Variants in CREB5 observed in about 807,000 individuals in gnomAD.
CREB5 encodes cAMP responsive element binding protein 5.
Under a neutral mutation model 57.1 loss-of-function variants are expected in CREB5, and 19 were observed. The ratio of observed to expected loss-of-function variants is 0.33; its 90% CI spans 0.23 to 0.49. The LOEUF is 0.49. Among genes scored for constraint, CREB5 ranks in the 20% least tolerant of loss-of-function variants. The pLI, the probability that CREB5 is intolerant of heterozygous loss-of-function variation, is 0.99. For missense variants in CREB5, 579 were observed against 671.6 expected, an observed-to-expected ratio of 0.86 and a Z score of 1.52; for synonymous variants, 238 against 238.3, an observed-to-expected ratio of 1.00 and a Z score of 0.01.
At chr7:28,540,905 T>C (rs1185279161) in intron 4 of CREB5, among the ~76,000 whole-genome samples, 1 of 152,184 alleles carries the variant, frequency 6.6e-6, no homozygotes, top group Non-Finnish European at 1.5e-5. Context: ...GGAGTCCACC[T>C]GCTGAATTAA....
intron 1 of CREB5, among the ~76,000 whole-genome samples, chr7:28,347,864 C>T (rs1181881707): frequency 2.0e-5 from 3 of 152,176 alleles, no homozygotes; most frequent in African/African-American, 7.2e-5. Flanking sequence ...AAAGGGAGCA[C>T]ATTCGAATTC....
intron 4 of CREB5, among the ~76,000 whole-genome samples, chr7:28,529,949 T>C (rs1793650938): frequency 6.6e-6 from 1 of 152,224 alleles, no homozygotes; most frequent in Non-Finnish European, 1.5e-5. Flanking sequence ...TTGCCAGATA[T>C]CTTGCAAAAT....
At position 28,326,818 on chromosome 7, in the gene CREB5, C is replaced by T. The variant is rs184832720; in HGVS notation, c.-25+27377C>T. On this transcript the variant is annotated intron_variant, in intron 1 of 9. Coordinates refer to the CREB5 transcript ENST00000396299. ...CATACAGTTCTAAGTTAAAGAATATCCTAGGTAGACGTAGGTGGATAAACA... is the reference window on the plus strand; with the variant it reads ...CATACAGTTCTAAGTTAAAGAATATTCTAGGTAGACGTAGGTGGATAAACA... Among the ~76,000 whole-genome samples the T allele has an allele frequency of 3.7e-4, 57 of 152,102 alleles. 1 individual carries two copies. Among genetic ancestry groups the T allele is most frequent in the South Asian group, 8.3e-4 (4 of 4,814 alleles).
intron 5 of CREB5, among the ~76,000 whole-genome samples, chr7:28,628,376 T>C (rs906812614): frequency 6.6e-6 from 1 of 152,136 alleles, no homozygotes; most frequent in African/African-American, 2.4e-5. Context: ...GTCTCCTGTC[T>C]GGTCACCTCT....
At chr7:28,552,882 A>G (rs1243481047) in intron 4 of CREB5, among the ~76,000 whole-genome samples, 1 of 152,170 alleles carries the variant, frequency 6.6e-6, no homozygotes, top group African/African-American at 2.4e-5. Context: ...AGATTACTAA[A>G]ACTGCTTCCA....
intron 4 of CREB5, among the ~76,000 whole-genome samples, chr7:28,557,023 A>G (rs939755056): frequency 4.7e-5 from 7 of 149,368 alleles, no homozygotes; most frequent in Admixed American, 4.6e-4. Flanking sequence ...TTGTAGGCCT[A>G]GGGATACTAA....
At chr7:28,355,010 A>C (rs576599793) in intron 1 of CREB5, among the ~76,000 whole-genome samples, 38 of 152,360 alleles carry the variant, frequency 2.5e-4, no homozygotes, top group African/African-American at 8.9e-4. Flanking sequence ...TTAAGCAAGC[A>C]GTAAATGTGC....
At chr7:28,731,286 A>T (rs750830194) in intron 7 of CREB5, among the ~76,000 whole-genome samples, 13 of 152,362 alleles carry the variant, frequency 8.5e-5, no homozygotes, top group South Asian at 6.2e-4. Context: ...GTAAATGATT[A>T]GATTATGAGG....
At chr7:28,805,122 A>C (rs941753338) in intron 8 of CREB5, among the ~76,000 whole-genome samples, 1 of 152,172 alleles carries the variant, frequency 6.6e-6, no homozygotes, top group Non-Finnish European at 1.5e-5. Context: ...CTGAATGAGA[A>C]ATGCGTTGGA....
At chr7:28,320,277 A>G (rs1017059538) in intron 1 of CREB5, among the ~76,000 whole-genome samples, 2 of 152,086 alleles carry the variant, frequency 1.3e-5, no homozygotes, top group Non-Finnish European at 2.9e-5. Context: ...AGTCGGCACA[A>G]ATTATAAAGT....
chr7:28,493,379 A>G (rs1418781392), intron 2 of CREB5, among the ~76,000 whole-genome samples: 1 of 152,226 alleles, frequency 6.6e-6, no homozygotes, highest in Non-Finnish European at 1.5e-5. Context: ...ATCTGCTATA[A>G]TAACAAATTA....
chr7:28,557,425 T>C (rs1482937973), intron 4 of CREB5, among the ~76,000 whole-genome samples: 3 of 152,190 alleles, frequency 2.0e-5, no homozygotes, highest in African/African-American at 7.2e-5. Flanking sequence ...AAAGAAATCA[T>C]AAAAGAGATC....
At chr7:28,510,604 A>C (rs1036064650) in intron 4 of CREB5, among the ~76,000 whole-genome samples, 1 of 152,228 alleles carries the variant, frequency 6.6e-6, no homozygotes, top group East Asian at 1.9e-4. Context: ...TACTTGACCC[A>C]TGTGGCTGTC....
At chr7:28,316,767 A>G (rs187284389) in intron 1 of CREB5, among the ~76,000 whole-genome samples, 1 of 152,260 alleles carries the variant, frequency 6.6e-6, no homozygotes, top group East Asian at 1.9e-4. Context: ...AACAGCTCTA[A>G]CTGTGGTTAC....
chr7:28,443,821 G>A (rs767465434), intron 1 of CREB5, among the ~76,000 whole-genome samples: 64 of 152,058 alleles, frequency 4.2e-4, no homozygotes, highest in Non-Finnish European at 8.5e-4. Flanking sequence ...TGGGACACAT[G>A]TTTCTCCTGC....
chr7:28,721,687 T>G (rs922392401), intron 6 of CREB5, among the ~76,000 whole-genome samples: 6 of 152,244 alleles, frequency 3.9e-5, no homozygotes, highest in African/African-American at 1.4e-4. Flanking sequence ...TTTCATAAAC[T>G]TGTTGAGCAC....
At chr7:28,766,721 G>A (rs1806013618) in intron 7 of CREB5, among the ~76,000 whole-genome samples, 1 of 152,170 alleles carries the variant, frequency 6.6e-6, no homozygotes, top group South Asian at 2.1e-4. Context: ...GGCCCTTGTG[G>A]GTAACTAAGC....
At chr7:28,391,491 TC>T (rs1787215472) in intron 1 of CREB5, among the ~76,000 whole-genome samples, 1 of 152,256 alleles carries the variant, frequency 6.6e-6, no homozygotes. Flanking sequence ...TTTCATGCTT[TC>T]CAATATAATT....
At chr7:28,816,927 C>G (rs1809473985) in intron 9 of CREB5, among the ~76,000 whole-genome samples, 3 of 152,178 alleles carry the variant, frequency 2.0e-5, no homozygotes, top group African/African-American at 7.2e-5. Flanking sequence ...CAAGATAGTG[C>G]TACATTTACG....
Sources: gnomAD v4.1 joint callset for allele counts (sites outside exome capture counted in the v4.1 genomes callset) on GRCh38, gnomAD v4.1.1 for gene constraint, MANE v1.5 for transcripts, NCBI Gene and HGNC (gene_info 2026-07-23, HGNC 2026-07-21) for gene names.